EYS: variants seen among roughly 807,000 people sequenced by gnomAD.
EYS encodes the protein protein eyes shut homolog.
A neutral mutation model predicts 282.1 loss-of-function variants in EYS; 250 were observed. That is an observed-to-expected ratio of 0.89 (90% CI 0.80 to 0.98). The LOEUF is 0.98. Ranked by LOEUF, EYS falls within the 50% of genes least tolerant of loss-of-function variation. The probability of loss-of-function intolerance (pLI) is 0.00; values close to 1 mark genes in which losing one functional copy is unlikely to be tolerated. For missense variants in EYS, 4,016 were observed against 3,709.0 expected (o/e 1.08, Z -2.15); for synonymous variants, 1,355 against 1,282.9 (o/e 1.06, Z -1.20).
At position 64,596,811 on chromosome 6, in the gene EYS, G is replaced by A. The variant is rs556426380; in HGVS notation, c.3685-3502C>T. ...CATTGGTATAGGCAAAGATTTTTAT[G>A]AGTATGATCTCAAAAGCACAAGAAA... On this transcript the variant is annotated intron_variant, in intron 24 of 42. Transcript: ENST00000503581. 8.0e-4 allele frequency among the ~76,000 whole-genome samples: 121 copies of A among 152,134 alleles called. 1 individual carries two copies. Among genetic ancestry groups the A allele is most frequent in the Middle Eastern group, 3.4e-3 (1 of 294 alleles).
chr6:65,344,262 C>T, intron 9 of EYS, 85 bp from the exon 10 acceptor site: 1 of 1,130,798 alleles, frequency 8.8e-7, no homozygotes, highest in Non-Finnish European at 1.3e-6. Context: ...GGTCAAATTA[C>T]TTGAAAAGAT....
At chr6:64,379,410 C>T (rs1582673847) in intron 29 of EYS, among the ~76,000 whole-genome samples, 1 of 152,078 alleles carries the variant, frequency 6.6e-6, no homozygotes, top group African/African-American at 2.4e-5. Flanking sequence ...ACCCATTTTT[C>T]CCTAACCACT....
chr6:65,217,794 T>C lies in EYS; in HGVS notation c.2023+78069A>G, dbSNP rs142038567. 2.1e-3 allele frequency among the ~76,000 whole-genome samples: 314 copies of C among 151,942 alleles called. 1 individual carries two copies. The highest frequency in any genetic ancestry group is 7.3e-3 in the African/African-American group (302 of 41,488). On this transcript the variant is annotated intron_variant, in intron 12 of 42. Transcript: ENST00000503581. ...GGAAAGATAGGCCAAATACAGAAAA[T>C]ATAGAGTTTTCTGGGATGTGGTCAG... is the stretch of plus-strand genomic sequence containing the variant.
At chr6:63,790,495 A>AC (rs1188056425) in intron 37 of EYS, among the ~76,000 whole-genome samples, 1 of 152,248 alleles carries the variant, frequency 6.6e-6, no homozygotes, top group East Asian at 1.9e-4. Context: ...AACTGTATTA[A>AC]GTGACCTACC....
At chr6:64,359,208 T>C (rs1353478376) in intron 29 of EYS, among the ~76,000 whole-genome samples, 2 of 151,670 alleles carry the variant, frequency 1.3e-5, no homozygotes, top group South Asian at 2.1e-4. Flanking sequence ...GCCAAAAAAA[T>C]AGAAAAGATA....
chr6:64,250,955 T>C (rs550014113), intron 30 of EYS, among the ~76,000 whole-genome samples: 1 of 152,284 alleles, frequency 6.6e-6, no homozygotes, highest in South Asian at 2.1e-4. Context: ...CTAGATAATA[T>C]GAGGAAACAC....
At chr6:64,544,079 A>C (rs1480707988) in intron 26 of EYS, among the ~76,000 whole-genome samples, 4 of 152,124 alleles carry the variant, frequency 2.6e-5, no homozygotes, top group Admixed American at 2.6e-4. Context: ...AATACTGTTA[A>C]CTCCAATCAC....
chr6:64,056,771 A>G (rs978619350), intron 33 of EYS, among the ~76,000 whole-genome samples: 1 of 152,212 alleles, frequency 6.6e-6, no homozygotes. Flanking sequence ...TGGGAGCTGT[A>G]CTTAGGTGTC....
At chr6:64,422,747 G>T (rs1774275779) in intron 28 of EYS, among the ~76,000 whole-genome samples, 1 of 152,054 alleles carries the variant, frequency 6.6e-6, no homozygotes, top group Non-Finnish European at 1.5e-5. Context: ...TAATTATTAT[G>T]AGCATAATGT....
At chr6:64,010,007 G>C (rs911235392) in intron 33 of EYS, among the ~76,000 whole-genome samples, 4 of 151,668 alleles carry the variant, frequency 2.6e-5, no homozygotes, top group African/African-American at 9.7e-5. Flanking sequence ...GAAGGTTTTA[G>C]GGGGCCAGTG....
chr6:64,533,361 C>T (rs1764414715), intron 26 of EYS, among the ~76,000 whole-genome samples: 1 of 151,968 alleles, frequency 6.6e-6, no homozygotes, highest in African/African-American at 2.4e-5. Flanking sequence ...GAGAAGCCAG[C>T]AAACTACAAA....
chr6:64,075,810 G>A (rs1334674536), intron 32 of EYS, among the ~76,000 whole-genome samples: 1 of 151,902 alleles, frequency 6.6e-6, no homozygotes, highest in Non-Finnish European at 1.5e-5. Flanking sequence ...ATCTCTCATT[G>A]ACTTATTTCT....
At chr6:64,265,360 C>G (rs181484918) in intron 30 of EYS, among the ~76,000 whole-genome samples, 1 of 152,158 alleles carries the variant, frequency 6.6e-6, no homozygotes, top group East Asian at 1.9e-4. Context: ...TAGGCTGGTC[C>G]AACATTGGAT....
In EYS at chr6:64,388,771, G is replaced by T; in HGVS notation, c.5997C>A (p.Ile1999=). 1 of 1,544,976 alleles carries T rather than the reference G, an allele frequency of 6.5e-7. No homozygotes were observed. The highest frequency in any genetic ancestry group is 8.7e-7 in the Non-Finnish European group (1 of 1,143,606). ...LGRNTQICES[I]NHVLGKPLPK... ...GCAGGGGTTTTCCGAGTACATGATT[G>T]ATAGATTCGCATATTTGTGTATTCC... The change falls in exon 29 of 43, where the codon ATC becomes ATA. Residue 1999 remains isoleucine, a synonymous_variant. Coordinates refer to ENST00000503581, the MANE Select transcript of EYS (RefSeq NM_001142800.2).
intron 37 of EYS, among the ~76,000 whole-genome samples, chr6:63,790,005 C>T (rs958825985): frequency 6.6e-6 from 1 of 152,124 alleles, no homozygotes. Context: ...AAATACGTCA[C>T]CCAGCTTCTG....
At chr6:64,345,083 A>C (rs1771321491) in intron 29 of EYS, among the ~76,000 whole-genome samples, 1 of 152,192 alleles carries the variant, frequency 6.6e-6, no homozygotes, top group Non-Finnish European at 1.5e-5. Context: ...TTCCATGCTC[A>C]TGGGTAGGAA....
intron 36 of EYS, among the ~76,000 whole-genome samples, chr6:63,807,057 C>T (rs1253673098): frequency 6.6e-6 from 1 of 151,590 alleles, no homozygotes; most frequent in East Asian, 1.9e-4. Context: ...AGTTCAAGGG[C>T]CAGTGTGAAC....
At chr6:63,735,571 T>C (rs1434983323) in intron 41 of EYS, among the ~76,000 whole-genome samples, 1 of 151,954 alleles carries the variant, frequency 6.6e-6, no homozygotes, top group East Asian at 1.9e-4. Context: ...AAAGATGCAG[T>C]GTCCTACAAC....
At chr6:63,841,940 C>T (rs1157582636) in intron 36 of EYS, among the ~76,000 whole-genome samples, 1 of 152,190 alleles carries the variant, frequency 6.6e-6, no homozygotes, top group African/African-American at 2.4e-5. Context: ...GACATGAACT[C>T]ATTCTTTTTT....
Sources: allele counts gnomAD v4.1 joint callset (sites outside exome capture counted in the v4.1 genomes callset), GRCh38; gene constraint gnomAD v4.1.1; transcripts MANE v1.5; gene names NCBI Gene and HGNC (gene_info 2026-07-23, HGNC 2026-07-21).